Variants in BMP2K observed in about 807,000 individuals in gnomAD.
BMP2K encodes BMP2 inducible kinase.
BMP2K carries 74 observed loss-of-function variants against 116.0 expected under a neutral mutation model. That is an observed-to-expected ratio of 0.64 (90% CI 0.53 to 0.77). BMP2K has a LOEUF of 0.77. Among genes scored for constraint, BMP2K ranks in the 30% least tolerant of loss-of-function variants. BMP2K has a pLI of 0.00. For missense variants in BMP2K, 1,365 were observed against 1,403.6 expected (o/e 0.97, Z 0.44); for synonymous variants, 486 against 502.5 (o/e 0.97, Z 0.44).
chr4:78,789,376 T>C (rs1727894479), intron 1 of BMP2K, among the ~76,000 whole-genome samples: 1 of 152,204 alleles, frequency 6.6e-6, no homozygotes, highest in Non-Finnish European at 1.5e-5. Context: ...CTTTTACTTA[T>C]GGCCTCTTTA....
chr4:78,836,985 T>A (rs1419234678), intron 3 of BMP2K, among the ~76,000 whole-genome samples: 1 of 152,190 alleles, frequency 6.6e-6, no homozygotes, highest in Non-Finnish European at 1.5e-5. Flanking sequence ...ATGCTTTTTG[T>A]GGCGTTTTTG....
chr4:78,869,878 A>G (rs1473381006), intron 10 of BMP2K, among the ~76,000 whole-genome samples: 1 of 152,174 alleles, frequency 6.6e-6, no homozygotes, highest in African/African-American at 2.4e-5. Flanking sequence ...TTATAAAACT[A>G]TTTTCATAAA....
At position 78,872,864 on chromosome 4, in the gene BMP2K, G is replaced by A. The variant is rs78657988; in HGVS notation, c.1793+66G>A. ...AAGTGGAAGTCATCGTTGAATGGTC[G>A]GTCATTAAGTTCTCTTAAATTAGTT... is the stretch of plus-strand genomic sequence containing the variant. On this transcript the variant is annotated intron_variant, in intron 13 of 15. Transcript: ENST00000502613. 5.5e-3 allele frequency: 8,155 copies of A among 1,474,880 alleles called. 393 individuals are homozygous for A. The African/African-American group carries it at 0.099, about 18-fold the overall frequency. The allele number at this position is 1,474,880 out of a possible 1,614,324, so 91.4% of individuals were successfully genotyped here. A position where few individuals can be genotyped will look rare whatever the true frequency, so the allele number is the denominator to read the frequency against.
At chr4:78,816,305 T>A (rs1729349752) in intron 1 of BMP2K, among the ~76,000 whole-genome samples, 1 of 152,162 alleles carries the variant, frequency 6.6e-6, no homozygotes, top group Non-Finnish European at 1.5e-5. Flanking sequence ...GACTACCAGA[T>A]CTCTGCCTTG....
In BMP2K at chr4:78,912,233, G is replaced by T. The variant is rs1560561999; in HGVS notation, c.*200G>T. On this transcript the variant is annotated 3_prime_UTR_variant, in exon 16 of 16. Coordinates refer to ENST00000502613, the MANE Select transcript of BMP2K (RefSeq NM_198892.2). ...CTTGATTCCTCTTCAGGAGAAAAGG[G>T]AGCTAAATTGCAAGCTCTAACTAAG... is the stretch of plus-strand genomic sequence containing the variant. 1.9e-6 allele frequency: 1 copy of T among 522,544 alleles called. No individual in the cohort carries two copies. The highest frequency in any genetic ancestry group is 1.9e-5 in the African/African-American group (1 of 51,942). 32.4% of individuals were successfully genotyped at this position (522,544 alleles called of 1,614,324 possible).
chr4:78,907,266 C>T (rs190493198), intron 15 of BMP2K, among the ~76,000 whole-genome samples: 4 of 152,164 alleles, frequency 2.6e-5, no homozygotes, highest in Non-Finnish European at 5.9e-5. Flanking sequence ...ATTAATACAA[C>T]TTTGATAAAT....
chr4:78,781,183 A>G (rs1441557082), intron 1 of BMP2K, among the ~76,000 whole-genome samples: 1 of 152,214 alleles, frequency 6.6e-6, no homozygotes, highest in Non-Finnish European at 1.5e-5. Context: ...GAAATGCAAC[A>G]GGAAGCTATT....
In BMP2K at chr4:78,799,083, G is replaced by T. The variant is rs1487060292; in HGVS notation, c.178+22362G>T. Among the ~76,000 whole-genome samples the T allele has an allele frequency of 2.0e-5, 3 of 152,252 alleles. No individual in the cohort carries two copies. The South Asian group carries it at 6.2e-4, about 32-fold the overall frequency. ...TGCTCAACATTTCTGAAAAGACAGG[G>T]CAACAGTGCCGTTCTAATTTTTACA... On this transcript the variant is annotated intron_variant, in intron 1 of 15. Transcript: ENST00000502613.
chr4:78,913,353 A>C lies in BMP2K; in HGVS notation c.*1320A>C, dbSNP rs1176570626. The C allele has an allele frequency of 6.6e-6, 1 of 152,124 alleles. No individual in the cohort carries two copies. The highest frequency in any genetic ancestry group is 2.4e-5 in the African/African-American group (1 of 41,454). The allele number at this position is 152,124 out of a possible 1,614,324, so 9.4% of individuals were successfully genotyped here. A position where few individuals can be genotyped will look rare whatever the true frequency, so the allele number is the denominator to read the frequency against. ...CAATTTGCCTTTTTTTACACCACAA[A>C]TCCTAATTAGAAACTTGAGGTTTTA... On this transcript the variant is annotated 3_prime_UTR_variant, in exon 16 of 16. Coordinates refer to ENST00000502613, the MANE Select transcript of BMP2K (RefSeq NM_198892.2).
chr4:78,901,327 C>T (rs1733995644), intron 15 of BMP2K, among the ~76,000 whole-genome samples: 1 of 151,964 alleles, frequency 6.6e-6, no homozygotes, highest in Non-Finnish European at 1.5e-5. Flanking sequence ...TCCCAAAGTG[C>T]TGGGATTACA....
rs144154357 is a variant in BMP2K at position 78,812,302 on chromosome 4, A to G, written c.179-13735A>G. On this transcript the variant is annotated intron_variant, in intron 1 of 15. Coordinates refer to ENST00000502613, the MANE Select transcript of BMP2K (RefSeq NM_198892.2). ...GAATTTTTTTTTAAGATGCAGGAAT[A>G]TAACAATTCCCCTTCTCTCAGCTAT... Among the ~76,000 whole-genome samples the G allele has an allele frequency of 5.4e-3, 820 of 152,272 alleles. 23 individuals carry two copies. The highest frequency in any genetic ancestry group is 0.046 in the Admixed American group (703 of 15,280).
chr4:78,902,690 T>G (rs1336748142), intron 15 of BMP2K, among the ~76,000 whole-genome samples: 1 of 152,140 alleles, frequency 6.6e-6, no homozygotes, highest in Non-Finnish European at 1.5e-5. Flanking sequence ...ACTGGAAGCT[T>G]CTTATATGAT....
chr4:78,902,155 A>G (rs1180928334), intron 15 of BMP2K, among the ~76,000 whole-genome samples: 1 of 152,156 alleles, frequency 6.6e-6, no homozygotes, highest in Non-Finnish European at 1.5e-5. Context: ...ATTCCACTGT[A>G]TACATAGAGT....
chr4:78,878,284 TAG>T (rs1284616725), intron 13 of BMP2K, among the ~76,000 whole-genome samples: 4 of 152,210 alleles, frequency 2.6e-5, no homozygotes, highest in African/African-American at 9.6e-5. Flanking sequence ...GTAGTGATTT[TAG>T]AGTGATGCTG....
At position 78,872,723 on chromosome 4, in the gene BMP2K, C is replaced by T. The variant is rs761213016; in HGVS notation, c.1718C>T (p.Pro573Leu). The change falls in exon 13 of 16, where the codon CCA becomes CTA. Residue 573 changes from proline to leucine, a missense_variant. Coordinates refer to ENST00000502613, the MANE Select transcript of BMP2K (RefSeq NM_198892.2). The part of the protein sequence containing the change: ...EYLTSPQEFS[P>L]ALVSYTSSLP... ...CTTACCTCCCCTCAAGAGTTCTCAC[C>T]AGCCTTAGTTTCCTACACTTCATCA... 1.9e-6 allele frequency: 3 copies of T among 1,614,134 alleles called. No individual in the cohort carries two copies. The highest frequency in any genetic ancestry group is 2.2e-5 in the East Asian group (1 of 44,884).
At chr4:78,785,932 A>G (rs767492432) in intron 1 of BMP2K, among the ~76,000 whole-genome samples, 2 of 152,200 alleles carry the variant, frequency 1.3e-5, no homozygotes, top group Admixed American at 6.5e-5. Context: ...CTAACCAAGT[A>G]AAGTACAAAC....
intron 1 of BMP2K, among the ~76,000 whole-genome samples, chr4:78,801,384 C>T (rs969579227): frequency 7.3e-6 from 1 of 137,702 alleles, no homozygotes; most frequent in Non-Finnish European, 1.6e-5. Flanking sequence ...GTGTGTGTGT[C>T]ATAAGTAACA....
At chr4:78,831,797 A>T (rs1189009060) in intron 2 of BMP2K, among the ~76,000 whole-genome samples, 1 of 152,156 alleles carries the variant, frequency 6.6e-6, no homozygotes, top group Non-Finnish European at 1.5e-5. Context: ...TGTAGAATAA[A>T]AATTTCCTCC....
chr4:78,879,339 A>G (rs1241147041), intron 14 of BMP2K: 1 of 987,546 alleles, frequency 1.0e-6, no homozygotes, highest in Non-Finnish European at 1.2e-6. Flanking sequence ...ACATTATGTT[A>G]ATGTTTTGTA....
Sources: allele counts gnomAD v4.1 joint callset (sites outside exome capture counted in the v4.1 genomes callset), GRCh38; gene constraint gnomAD v4.1.1; transcripts MANE v1.5; gene names NCBI Gene and HGNC (gene_info 2026-07-23, HGNC 2026-07-21).